ACO1: variants seen among roughly 807,000 people sequenced by gnomAD.
The protein encoded by ACO1 is aconitase 1.
Under a neutral mutation model 105.1 loss-of-function variants are expected in ACO1, and 78 were observed. The ratio of observed to expected loss-of-function variants is 0.74; its 90% CI spans 0.62 to 0.90. The LOEUF (loss-of-function observed/expected upper bound fraction) is 0.90. Ranked by LOEUF, ACO1 falls within the 40% of genes least tolerant of loss-of-function variation. ACO1 has a pLI of 0.00. For missense variants in ACO1, 965 were observed against 1,111.1 expected (o/e 0.87, Z 1.87); for synonymous variants, 364 against 397.4 (o/e 0.92, Z 1.00).
intron 4 of ACO1, among the ~76,000 whole-genome samples, chr9:32,415,425 T>C (rs1486229167): frequency 6.6e-6 from 1 of 152,084 alleles, no homozygotes; most frequent in East Asian, 1.9e-4. Flanking sequence ...TCATTAGATA[T>C]GGACAGACAG....
chr9:32,444,796 C>T (rs1321064737), intron 19 of ACO1, among the ~76,000 whole-genome samples: 1 of 152,024 alleles, frequency 6.6e-6, no homozygotes, highest in Non-Finnish European at 1.5e-5. Context: ...TCCATCAATA[C>T]CTGGTTTATT....
At chr9:32,441,512 C>G (rs1822479306) in intron 19 of ACO1, among the ~76,000 whole-genome samples, 1 of 152,156 alleles carries the variant, frequency 6.6e-6, no homozygotes, top group South Asian at 2.1e-4. Context: ...AACATCACAC[C>G]TATTATTTTA....
intron 10 of ACO1, 78 bp downstream of exon 10, chr9:32,424,743 C>A (rs994597769): frequency 6.3e-6 from 6 of 948,560 alleles, no homozygotes; most frequent in Non-Finnish European, 9.9e-6. Context: ...GCTTTCATCC[C>A]ACTTGACATG....
intron 3 of ACO1, among the ~76,000 whole-genome samples, chr9:32,407,745 G>A (rs1454912676): frequency 6.6e-6 from 1 of 152,120 alleles, no homozygotes; most frequent in Admixed American, 6.5e-5. Context: ...ATGGAATAGA[G>A]CCATCTTGGA....
At chr9:32,447,012 AT>A (rs1822625195) in intron 19 of ACO1, among the ~76,000 whole-genome samples, 1 of 151,708 alleles carries the variant, frequency 6.6e-6, no homozygotes, top group African/African-American at 2.4e-5. Flanking sequence ...TGCCCTTAAC[AT>A]TTTTTTCTTT....
At chr9:32,391,645 A>G (rs373522173) in intron 1 of ACO1, among the ~76,000 whole-genome samples, 3 of 152,360 alleles carry the variant, frequency 2.0e-5, no homozygotes, top group African/African-American at 4.8e-5. Flanking sequence ...CAAAACAGAC[A>G]TGTATGGAAC....
rs1822685835 is a variant in ACO1 at position 32,448,890 on chromosome 9, C to T, written c.2371-6C>T. ...GTATGTCTAAACTACTGTCTTTATTCATCAGGGAATCAAAGCCGTCCTGGC... is the reference window on the plus strand; with the variant it reads ...GTATGTCTAAACTACTGTCTTTATTTATCAGGGAATCAAAGCCGTCCTGGC... On this transcript the variant is annotated splice_region_variant and splice_polypyrimidine_tract_variant and intron_variant, in intron 19 of 20. Transcript: ENST00000309951. 1.2e-6 allele frequency: 2 copies of T among 1,614,018 alleles called. No individual in the cohort carries two copies. Among genetic ancestry groups the T allele is most frequent in the South Asian group, 1.1e-5 (1 of 91,072 alleles).
chr9:32,445,614 T>A, intron 19 of ACO1: 1 of 300,906 alleles, frequency 3.3e-6, no homozygotes, highest in Non-Finnish European at 6.8e-6. Flanking sequence ...TCTGTCTCCT[T>A]CAGTTCTGCT....
At chr9:32,407,208 C>T (rs79215969) in intron 2 of ACO1, 53 bp from the exon 3 acceptor site, 99 of 1,554,010 alleles carry the variant, frequency 6.4e-5, no homozygotes, top group African/African-American at 4.5e-4. Context: ...CCTTAAAGAG[C>T]GCTCTTAAGT....
In ACO1 at chr9:32,405,544, A is replaced by G; in HGVS notation, c.38A>G (p.Asp13Gly). The change falls in exon 2 of 21, where the codon GAT becomes GGT. Residue 13 changes from aspartate to glycine, a missense_variant. Asp to Gly is a moderately conservative substitution (Grantham distance 94). Coordinates refer to ENST00000309951, the MANE Select transcript of ACO1 (RefSeq NM_002197.3). ...TTCGCACACCTTGCTGAGCCATTGG[A>G]TCCTGTACAACCAGGAAAGAAATTC... ...NPFAHLAEPL[D>G]PVQPGKKFFN... 2 of 1,614,124 alleles carry G rather than the reference A, an allele frequency of 1.2e-6. No individual in the cohort carries two copies. The highest frequency in any genetic ancestry group is 1.7e-6 in the Non-Finnish European group (2 of 1,180,004).
chr9:32,408,548 C>G lies in ACO1; in HGVS notation c.301C>G (p.Arg101Gly), dbSNP rs769267795. The G allele has an allele frequency of 1.2e-6, 2 of 1,613,970 alleles. No homozygotes were observed. The highest frequency in any genetic ancestry group is 4.5e-5 in the East Asian group (2 of 44,888). ...CGCTGTGGTTGACTTTGCTGCAATGCGTGATGCTGTGAAAAAGTTAGGAGG... is the reference window on the plus strand; with the variant it reads ...CGCTGTGGTTGACTTTGCTGCAATGGGTGATGCTGTGAAAAAGTTAGGAGG... Reference protein sequence around the residue: ...VPAVVDFAAMRDAVKKLGGDP... With the variant: ...VPAVVDFAAMGDAVKKLGGDP... The change falls in exon 4 of 21, where the codon CGT becomes GGT. Residue 101 changes from arginine (R) to glycine (G), a missense_variant. Arg to Gly is a moderately radical substitution (Grantham distance 125). Transcript: ENST00000309951.
intron 1 of ACO1, among the ~76,000 whole-genome samples, chr9:32,389,539 C>T (rs1483295493): frequency 6.6e-6 from 1 of 152,160 alleles, no homozygotes; most frequent in Admixed American, 6.5e-5. Context: ...AACAGGCACA[C>T]TTACCATGTA....
At chr9:32,392,079 G>A (rs558930601) in intron 1 of ACO1, among the ~76,000 whole-genome samples, 44 of 152,272 alleles carry the variant, frequency 2.9e-4, no homozygotes, top group Admixed American at 1.6e-3. Context: ...GGGAACATGA[G>A]GTTTACCATC....
chr9:32,418,089 A>G (rs763154719), intron 4 of ACO1, 39 bp from the exon 5 acceptor site: 2 of 1,583,308 alleles, frequency 1.3e-6, no homozygotes, highest in Non-Finnish European at 1.7e-6. Flanking sequence ...TAATATGTTA[A>G]GTCTCAAATT....
intron 1 of ACO1, among the ~76,000 whole-genome samples, chr9:32,396,966 C>G (rs1390511463): frequency 1.3e-5 from 2 of 151,796 alleles, no homozygotes; most frequent in Non-Finnish European, 1.5e-5. Flanking sequence ...AAAATAAAAC[C>G]ATCATTTAAG....
At position 32,436,103 on chromosome 9, in the gene ACO1, C is replaced by T. The variant is rs1587549713; in HGVS notation, c.2100-147C>T. Reference sequence around the variant, plus strand: ...CGTTGAAGCTTTGGGGACAGCTTTTCTGCCATGGAGAACAATGCTTAGGAG... The same window carrying T: ...CGTTGAAGCTTTGGGGACAGCTTTTTTGCCATGGAGAACAATGCTTAGGAG... On this transcript the variant is annotated intron_variant, in intron 17 of 20. Transcript: ENST00000309951. 5 of 1,090,706 alleles carry T rather than the reference C, an allele frequency of 4.6e-6. No homozygotes were observed. The East Asian group carries it at 1.2e-4, about 27-fold the overall frequency. The allele number at this position is 1,090,706 out of a possible 1,614,324, so 67.6% of individuals were successfully genotyped here.
intron 19 of ACO1, among the ~76,000 whole-genome samples, chr9:32,445,207 C>G (rs1822572833): frequency 6.6e-6 from 1 of 152,114 alleles, no homozygotes; most frequent in Non-Finnish European, 1.5e-5. Context: ...CTCTTTGTAC[C>G]TCTGGTAGAA....
chr9:32,413,039 A>G (rs1821773844), intron 4 of ACO1, among the ~76,000 whole-genome samples: 4 of 150,218 alleles, frequency 2.7e-5, no homozygotes, highest in Admixed American at 1.3e-4. Flanking sequence ...TTTTTTTTTT[A>G]GACCTTGACT....
chr9:32,404,473 A>G (rs949575979), intron 1 of ACO1, among the ~76,000 whole-genome samples: 17 of 152,212 alleles, frequency 1.1e-4, no homozygotes, highest in Non-Finnish European at 1.9e-4. Context: ...TTAGTTGCCA[A>G]CTTTTATAAG....
Sources: gnomAD v4.1 joint callset for allele counts (sites outside exome capture counted in the v4.1 genomes callset) on GRCh38, gnomAD v4.1.1 for gene constraint, MANE v1.5 for transcripts, NCBI Gene and HGNC (gene_info 2026-07-23, HGNC 2026-07-21) for gene names.